The following KDM1B variants were observed in gnomAD, a reference collection of about 807,000 sequenced individuals.
The protein encoded by KDM1B is lysine demethylase 1B, also known as lysine-specific histone demethylase 2.
KDM1B carries 63 observed loss-of-function variants against 107.4 expected under a neutral mutation model. That is an observed-to-expected ratio of 0.59 (90% CI 0.48 to 0.72). The LOEUF (loss-of-function observed/expected upper bound fraction) is 0.72. KDM1B is among the 30% of genes least tolerant of loss of function. The pLI, the probability that KDM1B is intolerant of heterozygous loss-of-function variation, is 0.00. For missense variants in KDM1B, 749 were observed against 1,020.8 expected, an observed-to-expected ratio of 0.73 and a Z score of 3.63; for synonymous variants, 363 against 363.9, an observed-to-expected ratio of 1.00 and a Z score of 0.03.
At chr6:18,180,074 G>T (rs1358656441) in intron 7 of KDM1B, among the ~76,000 whole-genome samples, 3 of 148,454 alleles carry the variant, frequency 2.0e-5, no homozygotes, top group African/African-American at 7.5e-5. Context: ...GGGTTTTGCT[G>T]TCTTGCCCAG....
chr6:18,199,038 AAAAC>A lies in KDM1B; in HGVS notation c.1221+1379_1221+1382del, dbSNP rs1211856624. 3.2e-4 allele frequency among the ~76,000 whole-genome samples: 48 copies of A among 151,388 alleles called. No individual in the cohort carries two copies. The Middle Eastern group carries it at 0.01, about 32-fold the overall frequency. On this transcript the variant is annotated intron_variant, in intron 12 of 21. Transcript: ENST00000650836. ...AAAAAAAAAAAAAAAAAAAAAGAAA[AAAAC>A]AGAAAATTAGCCGGGCATGGTGGTA...
At chr6:18,169,315 A>C (rs895100057) in intron 6 of KDM1B, among the ~76,000 whole-genome samples, 14 of 151,178 alleles carry the variant, frequency 9.3e-5, no homozygotes, top group Admixed American at 4.6e-4. Flanking sequence ...GCTCACTGCA[A>C]CCTTTGCCTT....
Position 18,161,442 on chromosome 6 carries a change from G to A in KDM1B, c.203G>A (p.Ser68Asn), listed in dbSNP as rs1485270467. The A allele has an allele frequency of 6.2e-7, 1 of 1,614,034 alleles. No individual in the cohort carries two copies. Among genetic ancestry groups the A allele is most frequent in the Admixed American group, 1.7e-5 (1 of 60,008 alleles). The change falls in exon 4 of 22, where the codon AGT becomes AAT. Residue 68 changes from serine (S) to asparagine (N), a missense_variant. Physicochemically the swap from Ser to Asn is conservative, Grantham distance 46. Coordinates refer to ENST00000650836, the MANE Select transcript of KDM1B (RefSeq NM_001364614.2). ...CTATCPVCFASASERCAKNGY... is the reference protein window; with the variant it reads ...CTATCPVCFANASERCAKNGY... ...GCAACATGTCCTGTGTGCTTTGCAAGTGCTTCTGAAAGGTCTGTTTAGATG... is the reference window on the plus strand; with the variant it reads ...GCAACATGTCCTGTGTGCTTTGCAAATGCTTCTGAAAGGTCTGTTTAGATG...
At position 18,221,930 on chromosome 6, in the gene KDM1B, CAA is replaced by C; in HGVS notation, c.2409_2410del (p.Gln803HisfsTer112). 2 of 1,606,792 alleles carry C rather than the reference CAA, an allele frequency of 1.2e-6. No individual in the cohort carries two copies. The highest frequency in any genetic ancestry group is 1.7e-6 in the Non-Finnish European group (2 of 1,175,308). ...AGEATNRHFP[Q>X]TVTGAYLSGV... ...ACAGGCAACAAACAGGCATTTCCCA[CAA>C]ACTGTTACAGGGGCATATTTGAGTG... On this transcript the variant is annotated frameshift_variant, in exon 22 of 22. Transcript: ENST00000650836. LOFTEE classifies it high-confidence loss of function.
rs749813298 is a variant in KDM1B at position 18,215,083 on chromosome 6, T to TGCTGCAGCAGTGCATGGCCAC, written c.2190_2210dup (p.Gln731_Leu737dup). 1.2e-6 allele frequency: 2 copies of TGCTGCAGCAGTGCATGGCCAC among 1,613,778 alleles called. No homozygotes were observed. Among genetic ancestry groups the TGCTGCAGCAGTGCATGGCCAC allele is most frequent in the Non-Finnish European group, 1.7e-6 (2 of 1,179,956 alleles). ...GTGAGGACCCTGGATGACAAACAGG[T>TGCTGCAGCAGTGCATGGCCAC]GCTGCAGCAGTGCATGGCCACGCTC... On this transcript the variant is annotated inframe_insertion, in exon 20 of 22. Coordinates refer to ENST00000650836, the MANE Select transcript of KDM1B (RefSeq NM_001364614.2).
intron 10 of KDM1B, among the ~76,000 whole-genome samples, chr6:18,195,182 G>C (rs188196532): frequency 6.6e-6 from 1 of 152,042 alleles, no homozygotes; most frequent in Non-Finnish European, 1.5e-5. Flanking sequence ...TTGTCCATTC[G>C]TCCACTGATG....
intron 10 of KDM1B, among the ~76,000 whole-genome samples, chr6:18,195,065 T>G (rs1787551376): frequency 6.6e-6 from 1 of 152,230 alleles, no homozygotes. Context: ...ATGACTGGCT[T>G]CTTTTGCTTG....
chr6:18,215,170 C>T (rs183088094), intron 20 of KDM1B, 41 bp downstream of exon 20: 40 of 1,592,634 alleles, frequency 2.5e-5, no homozygotes, highest in Non-Finnish European at 3.3e-5. Context: ...GCAAGCCGTG[C>T]TTGCTATCCA....
intron 9 of KDM1B, among the ~76,000 whole-genome samples, chr6:18,189,569 G>A (rs1422183779): frequency 2.0e-5 from 3 of 152,140 alleles, no homozygotes; most frequent in Non-Finnish European, 4.4e-5. Flanking sequence ...AAATGGTTAA[G>A]TAATAAGAAA....
intron 7 of KDM1B, among the ~76,000 whole-genome samples, chr6:18,180,172 A>T (rs893761783): frequency 6.6e-6 from 1 of 151,762 alleles, no homozygotes; most frequent in African/African-American, 2.4e-5. Context: ...AATGGGAAGG[A>T]GCTGACATGA....
intron 20 of KDM1B, among the ~76,000 whole-genome samples, chr6:18,217,289 C>G (rs1259231952): frequency 2.0e-5 from 3 of 151,826 alleles, no homozygotes; most frequent in Non-Finnish European, 4.4e-5. Flanking sequence ...ATCTTGAGAA[C>G]TACTGTTTCA....
At chr6:18,220,830 G>A (rs539186716) in intron 21 of KDM1B, among the ~76,000 whole-genome samples, 114 of 150,640 alleles carry the variant, frequency 7.6e-4, no homozygotes, top group African/African-American at 2.5e-3. Context: ...GGAGTGCAGT[G>A]GCGCGATCTT....
intron 4 of KDM1B, among the ~76,000 whole-genome samples, chr6:18,161,725 A>G (rs1447356038): frequency 6.6e-6 from 1 of 152,060 alleles, no homozygotes; most frequent in African/African-American, 2.4e-5. Context: ...TACCTCTCCA[A>G]GGGTTGAGGG....
chr6:18,190,447 A>AT (rs549255342), intron 9 of KDM1B, among the ~76,000 whole-genome samples: 2,456 of 151,074 alleles, frequency 0.016, 39 homozygotes, highest in Non-Finnish European at 0.024. Flanking sequence ...AAAAAAAAAA[A>AT]AAAAATTAGC....
chr6:18,179,674 G>C (rs1786295977), intron 7 of KDM1B, among the ~76,000 whole-genome samples: 1 of 151,140 alleles, frequency 6.6e-6, no homozygotes, highest in African/African-American at 2.4e-5. Flanking sequence ...TGTTTGTACT[G>C]TTCCCTTGTT....
chr6:18,221,407 T>C (rs575301345), intron 21 of KDM1B, among the ~76,000 whole-genome samples: 68 of 152,320 alleles, frequency 4.5e-4, no homozygotes, highest in South Asian at 2.3e-3. Context: ...TCTCCTATTA[T>C]TGAGTCGTTT....
intron 9 of KDM1B, among the ~76,000 whole-genome samples, chr6:18,189,480 G>T (rs1484988250): frequency 6.6e-6 from 1 of 152,214 alleles, no homozygotes; most frequent in Non-Finnish European, 1.5e-5. Context: ...TAAATCCAAA[G>T]ATAGGTACAA....
chr6:18,217,685 T>C (rs1789357335), intron 20 of KDM1B, 48 bp from the exon 21 acceptor site: 2 of 1,561,716 alleles, frequency 1.3e-6, no homozygotes, highest in African/African-American at 2.7e-5. Context: ...CCCTGCCATC[T>C]ACATCCCTTC....
chr6:18,210,092 C>T (rs1373895519), intron 17 of KDM1B, among the ~76,000 whole-genome samples: 1 of 152,136 alleles, frequency 6.6e-6, no homozygotes, highest in Non-Finnish European at 1.5e-5. Flanking sequence ...CTTCAGGCTG[C>T]ACTTTGAAAT....
Sources: gnomAD v4.1 joint callset for allele counts (sites outside exome capture counted in the v4.1 genomes callset) on GRCh38, gnomAD v4.1.1 for gene constraint, MANE v1.5 for transcripts, NCBI Gene and HGNC (gene_info 2026-07-23, HGNC 2026-07-21) for gene names.